SUMF1: variants seen among roughly 807,000 people sequenced by gnomAD.
SUMF1 encodes sulfatase modifying factor 1, also known as formylglycine-generating enzyme.
Under a neutral mutation model 47.6 loss-of-function variants are expected in SUMF1, and 48 were observed. That is an observed-to-expected ratio of 1.01 (90% confidence interval 0.80 to 1.28). The LOEUF (loss-of-function observed/expected upper bound fraction) is 1.28. Among genes scored for constraint, SUMF1 ranks in the 50% most tolerant of loss-of-function variants. The pLI is 0.00. For missense variants in SUMF1, 571 were observed against 485.4 expected (o/e 1.18, Z -1.66); for synonymous variants, 230 against 192.1 (o/e 1.20, Z -1.63).
intron 8 of SUMF1, among the ~76,000 whole-genome samples, chr3:4,255,214 C>G (rs558420220): frequency 7.4e-6 from 1 of 134,236 alleles, no homozygotes; most frequent in Non-Finnish European, 1.7e-5. Flanking sequence ...AACTAACGAG[C>G]AAAATCACCA....
chr3:4,126,237 T>A (rs1396886440), intron 8 of SUMF1, among the ~76,000 whole-genome samples: 2 of 151,506 alleles, frequency 1.3e-5, no homozygotes, highest in Non-Finnish European at 2.9e-5. Flanking sequence ...AATTTTTAAC[T>A]CAGTTAAAAG....
intron 8 of SUMF1, among the ~76,000 whole-genome samples, chr3:4,321,470 T>TAAAAAAAAAAAAAAAAAAAAAAAAA (rs1206478992): frequency 1.6e-5 from 1 of 63,740 alleles, no homozygotes; most frequent in African/African-American, 5.6e-5. Flanking sequence ...AAGGAAATGC[T>TAAAAAAAAAAAAAAAAAAAAAAAAA]AAAAAAAAAA....
chr3:4,424,736 T>C lies in SUMF1; in HGVS notation c.520-4590A>G, dbSNP rs192573721. 2.4e-3 allele frequency among the ~76,000 whole-genome samples: 364 copies of C among 152,354 alleles called. 3 individuals are homozygous for C. Among genetic ancestry groups the C allele is most frequent in the African/African-American group, 8.3e-3 (347 of 41,572 alleles). On this transcript the variant is annotated intron_variant, in intron 3 of 8. Transcript: ENST00000272902. ...GTAACCTATAGAATACACATTTGATTCCGTTTCTATAAAATGTATGCATAA... is the reference window on the plus strand; with the variant it reads ...GTAACCTATAGAATACACATTTGATCCCGTTTCTATAAAATGTATGCATAA...
At chr3:4,110,113 T>G (rs1203648098) in intron 8 of SUMF1, among the ~76,000 whole-genome samples, 4 of 152,142 alleles carry the variant, frequency 2.6e-5, no homozygotes, top group African/African-American at 9.7e-5. Flanking sequence ...GGTGTGGATG[T>G]CCTTTCTGTT....
Position 4,222,177 on chromosome 3 carries a change from C to G in SUMF1, c.1015-153432G>C, listed in dbSNP as rs372182454. Among the ~76,000 whole-genome samples, 47 of 152,024 alleles carry G rather than the reference C, an allele frequency of 3.1e-4. No homozygotes were observed. The South Asian group carries it at 7.7e-3, about 25-fold the overall frequency. ...AGCAGTTATCTTTGGTGGGATAATA[C>G]TCCATTTTTTCTTTTAGGCTTTTTA... is the stretch of plus-strand genomic sequence containing the variant. On this transcript the variant is annotated intron_variant and NMD_transcript_variant, in intron 8 of 12. Transcript: ENST00000448413.
At chr3:4,104,482 G>A (rs1237625838) in intron 8 of SUMF1, among the ~76,000 whole-genome samples, 1 of 152,050 alleles carries the variant, frequency 6.6e-6, no homozygotes, top group East Asian at 1.9e-4. Context: ...TGTGGAGCCT[G>A]CAGCAGTGCA....
At chr3:4,198,215 G>A (rs577726503) in intron 8 of SUMF1, among the ~76,000 whole-genome samples, 2 of 152,146 alleles carry the variant, frequency 1.3e-5, no homozygotes, top group East Asian at 1.9e-4. Context: ...CAGTGAGTGG[G>A]ATTCTTTCAT....
At chr3:4,161,524 T>C (rs1694576309) in intron 8 of SUMF1, among the ~76,000 whole-genome samples, 1 of 152,096 alleles carries the variant, frequency 6.6e-6, no homozygotes, top group South Asian at 2.1e-4. Flanking sequence ...GACAAAGTCC[T>C]TCCCACTTTC....
chr3:4,244,210 C>T (rs7612962), intron 8 of SUMF1, among the ~76,000 whole-genome samples: 59,409 of 151,854 alleles, frequency 0.39, 12,203 homozygotes, highest in Non-Finnish European at 0.46. Context: ...TTACTCTATC[C>T]AACTTGCCAG....
In SUMF1 at chr3:4,075,337, T is replaced by C. The variant is rs1692397726; in HGVS notation, c.1015-6592A>G. 1.3e-5 allele frequency among the ~76,000 whole-genome samples: 2 copies of C among 152,066 alleles called. 1 individual carries two copies. The highest frequency in any genetic ancestry group is 4.2e-4 in the South Asian group (2 of 4,810). On this transcript the variant is annotated intron_variant and NMD_transcript_variant, in intron 8 of 12. Transcript: ENST00000448413. Reference sequence around the variant, plus strand: ...CAATAAACTAGGTATTGATGGAACGTATCTCAAAATAATAAGTTATTTATG... The same window carrying C: ...CAATAAACTAGGTATTGATGGAACGCATCTCAAAATAATAAGTTATTTATG...
At chr3:4,380,658 C>A (rs1388662677) in intron 7 of SUMF1, among the ~76,000 whole-genome samples, 1 of 152,156 alleles carries the variant, frequency 6.6e-6, no homozygotes, top group Non-Finnish European at 1.5e-5. Context: ...CAGGAACCAT[C>A]GTGAATCCTG....
chr3:4,244,089 T>C (rs1559605513), intron 8 of SUMF1, among the ~76,000 whole-genome samples: 1 of 152,164 alleles, frequency 6.6e-6, no homozygotes, highest in African/African-American at 2.4e-5. Context: ...ATCCCTGCTT[T>C]TTGTTTTTCC....
At chr3:4,141,076 T>C (rs993107990) in intron 8 of SUMF1, among the ~76,000 whole-genome samples, 4 of 152,140 alleles carry the variant, frequency 2.6e-5, no homozygotes, top group Admixed American at 2.0e-4. Context: ...AAGCATATAA[T>C]GAGATTAGTA....
chr3:4,337,679 T>C (rs1412652200), intron 8 of SUMF1, among the ~76,000 whole-genome samples: 2 of 152,200 alleles, frequency 1.3e-5, no homozygotes, highest in Non-Finnish European at 2.9e-5. Flanking sequence ...AGTAGGTGGA[T>C]ACAGAAAAGT....
intron 8 of SUMF1, among the ~76,000 whole-genome samples, chr3:4,078,320 C>T (rs921697272): frequency 0.015 from 2 of 130 alleles, no homozygotes; most frequent in Non-Finnish European, 0.033. Flanking sequence ...GCCAAGCTTG[C>T]TAAACTCAAA....
intron 8 of SUMF1, among the ~76,000 whole-genome samples, chr3:4,157,495 C>A (rs935108167): frequency 6.6e-6 from 1 of 151,528 alleles, no homozygotes; most frequent in East Asian, 1.9e-4. Flanking sequence ...ATCAATAGTT[C>A]TCTTCTTAGT....
At chr3:4,285,371 C>T (rs997640138) in intron 8 of SUMF1, among the ~76,000 whole-genome samples, 18 of 152,032 alleles carry the variant, frequency 1.2e-4, no homozygotes, top group Non-Finnish European at 1.6e-4. Context: ...AAGCTAAATA[C>T]CAAAATATTA....
chr3:4,093,692 G>A (rs1692838854), intron 8 of SUMF1, among the ~76,000 whole-genome samples: 1 of 152,066 alleles, frequency 6.6e-6, no homozygotes, highest in Non-Finnish European at 1.5e-5. Context: ...GAAAAGGCTG[G>A]ACAATTAGGA....
chr3:4,177,234 A>G (rs1457018166), intron 8 of SUMF1, among the ~76,000 whole-genome samples: 1 of 152,190 alleles, frequency 6.6e-6, no homozygotes, highest in Non-Finnish European at 1.5e-5. Flanking sequence ...AACAGAATAT[A>G]TATTCTTCTC....
Sources: allele counts gnomAD v4.1 joint callset (sites outside exome capture counted in the v4.1 genomes callset), GRCh38; gene constraint gnomAD v4.1.1; transcripts MANE v1.5; gene names NCBI Gene and HGNC (gene_info 2026-07-23, HGNC 2026-07-21).